SDK2: variants seen among roughly 807,000 people sequenced by gnomAD.
SDK2 encodes the protein sidekick cell adhesion molecule 2.
In SDK2, 105 loss-of-function variants were observed where a neutral mutation model predicts 253.9. The observed-to-expected ratio is 0.41, with a 90% CI of 0.35 to 0.49. The LOEUF (loss-of-function observed/expected upper bound fraction) is 0.49. Among genes scored for constraint, SDK2 ranks in the 20% least tolerant of loss-of-function variants. SDK2 has a pLI of 0.06. For missense variants in SDK2, 2,608 were observed against 3,003.0 expected (o/e 0.87, Z 3.07); for synonymous variants, 1,249 against 1,234.9 (o/e 1.01, Z -0.24).
chr17:73,463,577 G>A (rs1434473300), intron 3 of SDK2, among the ~76,000 whole-genome samples: 1 of 152,060 alleles, frequency 6.6e-6, no homozygotes, highest in African/African-American at 2.4e-5. Flanking sequence ...TTGAGGTCAT[G>A]TGCCTTTGCT....
In SDK2 at chr17:73,639,531, G is replaced by T. The variant is rs1466405695; in HGVS notation, c.64+4494C>A. Among the ~76,000 whole-genome samples the T allele has an allele frequency of 6.6e-6, 1 of 152,192 alleles. No homozygotes were observed. The highest frequency in any genetic ancestry group is 1.9e-4 in the East Asian group (1 of 5,184). On this transcript the variant is annotated intron_variant, in intron 1 of 44. Transcript: ENST00000392650. This position sits in a 1 kb window ranked among gnomAD's most constrained non-coding sequence, Gnocchi z 4.3. ...GCCGCCAGTTGCTGCTGGCCCATTTGTTGCTATTGGCATCCCAAGGCCCCA... is the reference window on the plus strand; with the variant it reads ...GCCGCCAGTTGCTGCTGGCCCATTTTTTGCTATTGGCATCCCAAGGCCCCA...
At chr17:73,349,475 C>T (rs964955821) in intron 43 of SDK2, among the ~76,000 whole-genome samples, 3 of 152,192 alleles carry the variant, frequency 2.0e-5, no homozygotes, top group Non-Finnish European at 4.4e-5. Flanking sequence ...TTCTTGAGCT[C>T]AGGGGAACAG....
chr17:73,390,146 A>G (rs2062915024), intron 29 of SDK2, 141 bp downstream of exon 29: 1 of 729,110 alleles, frequency 1.4e-6, no homozygotes, highest in South Asian at 2.1e-5. Flanking sequence ...GCTGACTTTG[A>G]CTTCAGAGAT....
intron 4 of SDK2, among the ~76,000 whole-genome samples, chr17:73,450,695 G>A (rs2063484839): frequency 6.6e-6 from 1 of 152,160 alleles, no homozygotes; most frequent in African/African-American, 2.4e-5. Flanking sequence ...AGCTTTCTGG[G>A]TCAGTGGTTC....
intron 4 of SDK2, among the ~76,000 whole-genome samples, chr17:73,448,582 T>C (rs1408195553): frequency 6.6e-6 from 1 of 152,044 alleles, no homozygotes; most frequent in Non-Finnish European, 1.5e-5. Flanking sequence ...GCCAGGATGG[T>C]CTCGATCTCC....
chr17:73,448,198 G>A (rs2063467070), intron 4 of SDK2, among the ~76,000 whole-genome samples: 1 of 152,184 alleles, frequency 6.6e-6, no homozygotes, highest in African/African-American at 2.4e-5. Context: ...ATAAGTAAAT[G>A]ACAAATGAAT....
chr17:73,626,997 T>C lies in SDK2; in HGVS notation c.64+17028A>G, dbSNP rs534508488. Among the ~76,000 whole-genome samples, 4 of 152,242 alleles carry C rather than the reference T, an allele frequency of 2.6e-5. No homozygotes were observed. In the East Asian group the frequency reaches 7.7e-4, roughly 29 times the overall value. On this transcript the variant is annotated intron_variant, in intron 1 of 44. Coordinates refer to ENST00000392650, the MANE Select transcript of SDK2 (RefSeq NM_001144952.2). ...GAACCCAACACTAGCCGGGGGGGTGTAAAATCCAAAAAGAACCTTTGCAAT... is the reference window on the plus strand; with the variant it reads ...GAACCCAACACTAGCCGGGGGGGTGCAAAATCCAAAAAGAACCTTTGCAAT...
At chr17:73,412,770 T>C (rs2063149979) in intron 18 of SDK2, among the ~76,000 whole-genome samples, 1 of 151,990 alleles carries the variant, frequency 6.6e-6, no homozygotes, top group East Asian at 1.9e-4. Flanking sequence ...ACAAAAAAAT[T>C]AGCCAGACAT....
intron 1 of SDK2, among the ~76,000 whole-genome samples, chr17:73,638,109 G>A (rs1032900667): frequency 5.9e-5 from 9 of 152,244 alleles, no homozygotes; most frequent in South Asian, 2.1e-4. Context: ...GTACAGAGAC[G>A]AGAGGCATTT....
chr17:73,406,079 A>G (rs545743216), intron 18 of SDK2, among the ~76,000 whole-genome samples: 2 of 152,204 alleles, frequency 1.3e-5, no homozygotes, highest in East Asian at 3.9e-4. Flanking sequence ...AACACAATAT[A>G]AATGCTATGT....
At position 73,467,210 on chromosome 17, in the gene SDK2, T is replaced by C. The variant is rs1235132657; in HGVS notation, c.331+4902A>G. Among the ~76,000 whole-genome samples, 2 of 152,094 alleles carry C rather than the reference T, an allele frequency of 1.3e-5. No individual in the cohort carries two copies. The highest frequency in any genetic ancestry group is 2.9e-5 in the Non-Finnish European group (2 of 68,020). On this transcript the variant is annotated intron_variant, in intron 3 of 44. Coordinates refer to ENST00000392650, the MANE Select transcript of SDK2 (RefSeq NM_001144952.2). The surrounding 1 kb of genome is among the most constrained non-coding windows in gnomAD (Gnocchi z 4.1). ...GCCCAGGGCTGTCCCTGATTCTGTC[T>C]GAACTCTGACCCCAGCAGCTCACCC...
At chr17:73,386,895 G>A (rs760332284) in intron 30 of SDK2, among the ~76,000 whole-genome samples, 2 of 151,982 alleles carry the variant, frequency 1.3e-5, no homozygotes, top group Non-Finnish European at 2.9e-5. Flanking sequence ...ACCTCCACTC[G>A]GAACAAACTC....
At chr17:73,376,172 G>T (rs1423076601) in intron 36 of SDK2, among the ~76,000 whole-genome samples, 1 of 151,236 alleles carries the variant, frequency 6.6e-6, no homozygotes, top group Non-Finnish European at 1.5e-5. Flanking sequence ...TCAGCCTGGC[G>T]GCAGAGCAAG....
intron 1 of SDK2, among the ~76,000 whole-genome samples, chr17:73,523,386 C>A (rs1479949189): frequency 6.6e-6 from 1 of 151,914 alleles, no homozygotes; most frequent in Non-Finnish European, 1.5e-5. Context: ...GAAGTCCTAA[C>A]CCTGGATACC....
At chr17:73,464,238 G>A (rs1396688367) in intron 3 of SDK2, among the ~76,000 whole-genome samples, 1 of 152,132 alleles carries the variant, frequency 6.6e-6, no homozygotes, top group Non-Finnish European at 1.5e-5. Context: ...GTCAAGGGCA[G>A]GACCAGGCGG....
At chr17:73,454,791 A>C (rs1246248600) in intron 4 of SDK2, among the ~76,000 whole-genome samples, 1 of 151,962 alleles carries the variant, frequency 6.6e-6, no homozygotes, top group Non-Finnish European at 1.5e-5. Context: ...GCAACCTCTG[A>C]CTCCCAGGTT....
At chr17:73,640,736 G>A (rs539953004) in intron 1 of SDK2, among the ~76,000 whole-genome samples, 1 of 152,272 alleles carries the variant, frequency 6.6e-6, no homozygotes, top group South Asian at 2.1e-4. Context: ...AGCCTTTCAG[G>A]AGCCTCTAGA....
chr17:73,588,732 A>G (rs1338986667), intron 1 of SDK2, among the ~76,000 whole-genome samples: 4 of 152,240 alleles, frequency 2.6e-5, no homozygotes, highest in African/African-American at 9.6e-5. Context: ...AATCTGGCCC[A>G]AAGTGTCAGT....
chr17:73,416,425 G>A (rs1355532384), intron 16 of SDK2, among the ~76,000 whole-genome samples: 2 of 151,918 alleles, frequency 1.3e-5, no homozygotes, highest in Non-Finnish European at 2.9e-5. Context: ...TCGAACTCCT[G>A]ACCTCAGGTG....
Sources: gnomAD v4.1 joint callset for allele counts (sites outside exome capture counted in the v4.1 genomes callset) on GRCh38, gnomAD v4.1.1 for gene constraint, Gnocchi (gnomAD v3.1) non-coding constraint, MANE v1.5 for transcripts, NCBI Gene and HGNC (gene_info 2026-07-23, HGNC 2026-07-21) for gene names.